AADAT: variants seen among roughly 807,000 people sequenced by gnomAD.
The protein encoded by AADAT is aminoadipate aminotransferase.
Under a neutral mutation model 56.2 loss-of-function variants are expected in AADAT, and 25 were observed. The observed-to-expected ratio is 0.44, with a 90% CI of 0.32 to 0.62. The LOEUF (loss-of-function observed/expected upper bound fraction) is 0.62. AADAT is among the 20% of genes least tolerant of loss of function. The pLI is 0.04. For synonymous variants in AADAT, 173 were observed against 164.7 expected (o/e 1.05, Z -0.39); for missense variants, 387 against 510.5 (o/e 0.76, Z 2.33).
chr4:170,073,796 T>C (rs559286893), intron 4 of AADAT, among the ~76,000 whole-genome samples: 6 of 152,258 alleles, frequency 3.9e-5, no homozygotes, highest in African/African-American at 1.4e-4. Flanking sequence ...GCCACGCCCC[T>C]GGGGCAGATA....
At chr4:170,066,373 T>C (rs370313181) in intron 10 of AADAT, 41 bp downstream of exon 10, 63 of 1,543,836 alleles carry the variant, frequency 4.1e-5, no homozygotes, top group Non-Finnish European at 5.6e-5. Context: ...CTTTTACAGA[T>C]GCTACTGTTT....
intron 3 of AADAT, among the ~76,000 whole-genome samples, chr4:170,080,501 A>G (rs1732244774): frequency 6.6e-6 from 1 of 152,164 alleles, no homozygotes; most frequent in Non-Finnish European, 1.5e-5. Flanking sequence ...ACAGGCAGAG[A>G]CAAAATCGGG....
chr4:170,092,769 A>G (rs1405255381), upstream of AADAT, among the ~76,000 whole-genome samples: 2 of 152,240 alleles, frequency 1.3e-5, no homozygotes, highest in Non-Finnish European at 2.9e-5. Context: ...TGTTAAACTA[A>G]TCAGTGCAGT....
intron 2 of AADAT, 57 bp from the exon 3 acceptor site, chr4:170,087,305 TAGAC>T (rs1297791926): frequency 1.1e-5 from 16 of 1,502,520 alleles, no homozygotes; most frequent in Non-Finnish European, 1.4e-5. Context: ...GTAACAGTAG[TAGAC>T]AGGAAATAAT....
intron 11 of AADAT, 30 bp downstream of exon 11, chr4:170,064,689 G>A (rs529369550): frequency 6.6e-7 from 1 of 1,525,920 alleles, no homozygotes; most frequent in Admixed American, 2.2e-5. Flanking sequence ...TTTTCCTTAG[G>A]TTTCCCAGCC....
At chr4:170,086,473 A>G (rs563416263) in intron 3 of AADAT, among the ~76,000 whole-genome samples, 1 of 152,030 alleles carries the variant, frequency 6.6e-6, no homozygotes, top group African/African-American at 2.4e-5. Flanking sequence ...TACACCCAAG[A>G]GGGGGACAAG....
At chr4:170,076,854 A>G (rs1732060542) in intron 4 of AADAT, among the ~76,000 whole-genome samples, 1 of 152,200 alleles carries the variant, frequency 6.6e-6, no homozygotes, top group South Asian at 2.1e-4. Context: ...CCTTATATTT[A>G]GGTCTTTGAT....
Position 170,078,905 on chromosome 4 carries a change from G to A in AADAT, c.370-322C>T, listed in dbSNP as rs533254112. On this transcript the variant is annotated intron_variant, in intron 3 of 12. Transcript: ENST00000337664. ...CTCAAACCATAGTTTGCCAACTCCT[G>A]TTCCAGAGAAAGGTGAACAGAGGTT... 2.0e-5 allele frequency among the ~76,000 whole-genome samples: 3 copies of A among 152,314 alleles called. No homozygotes were observed. The South Asian group carries it at 6.2e-4, about 32-fold the overall frequency.
At chr4:170,086,185 G>A (rs1732550765) in intron 3 of AADAT, among the ~76,000 whole-genome samples, 1 of 152,038 alleles carries the variant, frequency 6.6e-6, no homozygotes, top group African/African-American at 2.4e-5. Context: ...GGTCGAGACT[G>A]CAGGGAGCCG....
chr4:170,069,661 G>T (rs1406078148), intron 6 of AADAT, among the ~76,000 whole-genome samples: 1 of 152,100 alleles, frequency 6.6e-6, no homozygotes, highest in Non-Finnish European at 1.5e-5. Context: ...CCGACAGAAA[G>T]AAAAATGATG....
chr4:170,085,600 T>C (rs1442141645), intron 3 of AADAT, among the ~76,000 whole-genome samples: 1 of 152,198 alleles, frequency 6.6e-6, no homozygotes, highest in East Asian at 1.9e-4. Flanking sequence ...AGAAACTGTC[T>C]TGAGCAACTT....
intron 4 of AADAT, among the ~76,000 whole-genome samples, chr4:170,076,315 C>T (rs1732030646): frequency 6.6e-6 from 1 of 151,992 alleles, no homozygotes; most frequent in African/African-American, 2.4e-5. Context: ...ATTTGCTTTT[C>T]TCTATTTAAA....
In AADAT at chr4:170,061,900, T is replaced by C; in HGVS notation, c.1228A>G (p.Met410Val). The C allele has an allele frequency of 6.2e-7, 1 of 1,611,498 alleles. No individual in the cohort carries two copies. The highest frequency in any genetic ancestry group is 8.5e-7 in the Non-Finnish European group (1 of 1,178,238). ...GAGAATACTACACTCACCACATCCA[T>C]CTGTTCTGGAGAAGCTGAAGAGAAG... ...ASFSSASPEQ[M>V]DVAFQVLAQL... The change falls in exon 12 of 13, where the codon ATG becomes GTG. Residue 410 changes from methionine to valine, a missense_variant. Physicochemically the swap from Met to Val is conservative, Grantham distance 21. Coordinates refer to ENST00000337664, the MANE Select transcript of AADAT (RefSeq NM_016228.4).
rs34202278 is a variant in AADAT at position 170,060,632 on chromosome 4, G to T, written c.*296C>A. 0.054 allele frequency: 13,372 copies of T among 249,600 alleles called. 439 individuals carry two copies. The highest frequency in any genetic ancestry group is 0.089 in the Middle Eastern group (71 of 794). The allele number at this position is 249,600 out of a possible 1,614,324, so 15.5% of individuals were successfully genotyped here. ...AGTTGAACTACTACAGATAGGACAT[G>T]TTTGAGGAAATTTAATCTTTAAGTC... On this transcript the variant is annotated 3_prime_UTR_variant, in exon 13 of 13. Coordinates refer to ENST00000337664, the MANE Select transcript of AADAT (RefSeq NM_016228.4).
rs946017472 is a variant in AADAT, at chr4:170,060,830, G to T, written c.*98C>A. On this transcript the variant is annotated 3_prime_UTR_variant, in exon 13 of 13. Coordinates refer to ENST00000337664, the MANE Select transcript of AADAT (RefSeq NM_016228.4). ...AGTGGTGTGATCGTAGCTTACTGCA[G>T]CCTTGAATTCCTGGGTTCAAGTGAT... The T allele has an allele frequency of 9.8e-7, 1 of 1,025,430 alleles. No individual in the cohort carries two copies. The allele number at this position is 1,025,430 out of a possible 1,614,324, so 63.5% of individuals were successfully genotyped here. A position where few individuals can be genotyped will look rare whatever the true frequency, so the allele number is the denominator to read the frequency against.
intron 1 of AADAT, among the ~76,000 whole-genome samples, chr4:170,088,977 C>G (rs542649249): frequency 6.6e-6 from 1 of 152,168 alleles, no homozygotes; most frequent in Non-Finnish European, 1.5e-5. Flanking sequence ...CTTAGACTTC[C>G]TAGCTTCCAG....
At chr4:170,061,084 T>C (rs1731166012) in intron 12 of AADAT, 115 bp from the exon 13 acceptor site, 1 of 681,266 alleles carries the variant, frequency 1.5e-6, no homozygotes, top group Admixed American at 3.9e-5. Context: ...AGAGAAGGCA[T>C]TGAAAAGTCA....
intron 3 of AADAT, among the ~76,000 whole-genome samples, chr4:170,080,509 G>C (rs1732245374): frequency 1.3e-5 from 2 of 152,088 alleles, no homozygotes; most frequent in African/African-American, 4.8e-5. Flanking sequence ...AGACAAAATC[G>C]GGAGGCAGGA....
intron 5 of AADAT, among the ~76,000 whole-genome samples, chr4:170,072,134 C>T (rs1007284362): frequency 2.0e-5 from 3 of 151,968 alleles, no homozygotes; most frequent in African/African-American, 7.3e-5. Context: ...CGAAACTGGA[C>T]AAGGCTGTCT....
Sources: allele counts gnomAD v4.1 joint callset (sites outside exome capture counted in the v4.1 genomes callset), GRCh38; gene constraint gnomAD v4.1.1; transcripts MANE v1.5; gene names NCBI Gene and HGNC (gene_info 2026-07-23, HGNC 2026-07-21).